Variants in SNTG1 observed in about 807,000 individuals in gnomAD.
SNTG1 encodes gamma-1-syntrophin.
A neutral mutation model predicts 74.7 loss-of-function variants in SNTG1; 39 were observed. The ratio of observed to expected loss-of-function variants is 0.52; its 90% CI spans 0.40 to 0.68. SNTG1 has a LOEUF of 0.68. Among genes scored for constraint, SNTG1 ranks in the 30% least tolerant of loss-of-function variants. The pLI is 0.00. For synonymous variants in SNTG1, 254 were observed against 217.1 expected, an observed-to-expected ratio of 1.17 and a Z score of -1.49; for missense variants, 685 against 609.5, an observed-to-expected ratio of 1.12 and a Z score of -1.30.
At chr8:49,958,444 G>A (rs1293854713) in intron 1 of SNTG1, among the ~76,000 whole-genome samples, 1 of 150,112 alleles carries the variant, frequency 6.7e-6, no homozygotes, top group Non-Finnish European at 1.5e-5. Flanking sequence ...TTTTTTTGGA[G>A]ACAGTCTCGC....
chr8:50,598,670 A>G (rs1193369201), intron 13 of SNTG1, among the ~76,000 whole-genome samples: 2 of 152,004 alleles, frequency 1.3e-5, no homozygotes, highest in Non-Finnish European at 2.9e-5. Flanking sequence ...TTTGGTTAAT[A>G]TTGACATTTT....
intron 1 of SNTG1, among the ~76,000 whole-genome samples, chr8:50,053,399 A>G (rs1022552572): frequency 1.3e-5 from 2 of 152,068 alleles, no homozygotes; most frequent in East Asian, 3.9e-4. Flanking sequence ...CCATAGAAAT[A>G]TAAATAGACT....
chr8:50,592,673 C>T (rs766639970), intron 13 of SNTG1, among the ~76,000 whole-genome samples: 25 of 152,254 alleles, frequency 1.6e-4, no homozygotes, highest in Non-Finnish European at 3.1e-4. Context: ...CATTAGTATT[C>T]ATCATTTTTA....
intron 10 of SNTG1, among the ~76,000 whole-genome samples, chr8:50,531,801 T>TGG (rs1459181517): frequency 6.6e-6 from 1 of 152,166 alleles, no homozygotes; most frequent in Non-Finnish European, 1.5e-5. Flanking sequence ...GCAACTTACT[T>TGG]CAGAATGGGA....
intron 4 of SNTG1, among the ~76,000 whole-genome samples, chr8:50,430,599 C>T (rs1315794027): frequency 6.6e-6 from 1 of 152,134 alleles, no homozygotes; most frequent in Non-Finnish European, 1.5e-5. Flanking sequence ...AAGAATGAGA[C>T]AGACAAATCG....
intron 15 of SNTG1, among the ~76,000 whole-genome samples, chr8:50,673,221 A>G (rs2095293458): frequency 6.6e-6 from 1 of 152,132 alleles, no homozygotes; most frequent in Non-Finnish European, 1.5e-5. Context: ...AAGAATGTCA[A>G]TGATAGTTGG....
chr8:50,295,408 C>T (rs1586994637), intron 2 of SNTG1, among the ~76,000 whole-genome samples: 1 of 152,180 alleles, frequency 6.6e-6, no homozygotes, highest in East Asian at 1.9e-4. Flanking sequence ...TGAAGTTTAC[C>T]TTAAAGGATA....
intron 1 of SNTG1, among the ~76,000 whole-genome samples, chr8:50,136,332 CT>C: frequency 6.6e-6 from 1 of 152,268 alleles, no homozygotes; most frequent in Non-Finnish European, 1.5e-5. Flanking sequence ...AATTGCCAAA[CT>C]GCTTTCCATG....
intron 2 of SNTG1, among the ~76,000 whole-genome samples, chr8:50,348,430 ATGTCTCT>A (rs1479451153): frequency 1.3e-5 from 2 of 152,122 alleles, no homozygotes; most frequent in African/African-American, 4.8e-5. Flanking sequence ...TGTATGTTAT[ATGTCTCT>A]CTCTTACATG....
intron 1 of SNTG1, among the ~76,000 whole-genome samples, chr8:49,989,938 A>G (rs1813520294): frequency 1.3e-5 from 2 of 151,990 alleles, no homozygotes; most frequent in South Asian, 4.1e-4. Context: ...ATTAAAAACA[A>G]AAGTAAACTT....
intron 2 of SNTG1, among the ~76,000 whole-genome samples, chr8:50,354,020 T>A (rs1432995778): frequency 6.6e-6 from 1 of 152,150 alleles, no homozygotes; most frequent in Non-Finnish European, 1.5e-5. Flanking sequence ...AGTTTCCCTA[T>A]CTAGAAAGGG....
At chr8:50,419,128 A>G (rs886076117) in intron 4 of SNTG1, among the ~76,000 whole-genome samples, 3 of 152,182 alleles carry the variant, frequency 2.0e-5, no homozygotes, top group Non-Finnish European at 4.4e-5. Flanking sequence ...GGCCTCAAAT[A>G]TCCCAGATTG....
intron 4 of SNTG1, among the ~76,000 whole-genome samples, chr8:50,426,263 T>A (rs1189764802): frequency 6.6e-6 from 1 of 152,160 alleles, no homozygotes; most frequent in African/African-American, 2.4e-5. Flanking sequence ...TGACACTGTA[T>A]AAGAATTCAT....
intron 2 of SNTG1, among the ~76,000 whole-genome samples, chr8:50,194,068 T>C (rs1473846411): frequency 6.6e-6 from 1 of 152,194 alleles, no homozygotes. Flanking sequence ...TTGGATTCTG[T>C]AGCTAGTATT....
At chr8:50,011,888 T>C (rs549533655) in intron 1 of SNTG1, 1 of 152,200 alleles carries the variant, frequency 6.6e-6, no homozygotes, top group Non-Finnish European at 1.5e-5. Context: ...TGGCAACAAC[T>C]TGAATGTCAA....
chr8:50,159,777 C>T, intron 1 of SNTG1, among the ~76,000 whole-genome samples: 1 of 152,114 alleles, frequency 6.6e-6, no homozygotes, highest in Non-Finnish European at 1.5e-5. Flanking sequence ...CACAGGCATC[C>T]TCTCATTCTA....
intron 9 of SNTG1, among the ~76,000 whole-genome samples, chr8:50,512,079 C>G (rs974805461): frequency 6.6e-6 from 1 of 151,948 alleles, no homozygotes; most frequent in African/African-American, 2.4e-5. Context: ...ATGTTTAGTG[C>G]TTCCTTCAGG....
intron 1 of SNTG1, among the ~76,000 whole-genome samples, chr8:49,918,689 C>T (rs942040216): frequency 6.6e-6 from 1 of 152,014 alleles, no homozygotes. Context: ...TAAGATTATG[C>T]TTTGGTTTGA....
intron 15 of SNTG1, among the ~76,000 whole-genome samples, chr8:50,674,101 A>C (rs1439078434): frequency 2.0e-5 from 3 of 151,992 alleles, no homozygotes; most frequent in Non-Finnish European, 4.4e-5. Context: ...AAGATTTCAC[A>C]TCAATATTCA....
Sources: allele counts gnomAD v4.1 joint callset (sites outside exome capture counted in the v4.1 genomes callset), GRCh38; gene constraint gnomAD v4.1.1; transcripts MANE v1.5; gene names NCBI Gene and HGNC (gene_info 2026-07-23, HGNC 2026-07-21).